Variants in MYO1F observed in about 807,000 individuals in gnomAD.
The protein encoded by MYO1F is unconventional myosin-If.
Under a neutral mutation model 146.6 loss-of-function variants are expected in MYO1F, and 60 were observed. The ratio of observed to expected loss-of-function variants is 0.41; its 90% CI spans 0.33 to 0.51. The LOEUF is 0.51. Ranked by LOEUF, MYO1F falls within the 20% of genes least tolerant of loss-of-function variation. The probability of loss-of-function intolerance (pLI) is 0.25; values close to 1 mark genes in which losing one functional copy is unlikely to be tolerated. For synonymous variants in MYO1F, 602 were observed against 602.1 expected (o/e 1.00, Z 0.00); for missense variants, 1,274 against 1,534.3 (o/e 0.83, Z 2.83).
At chr19:8,527,555 C>T in intron 21 of MYO1F, 72 bp from the exon 22 acceptor site, 2 of 1,577,710 alleles carry the variant, frequency 1.3e-6, no homozygotes, top group Non-Finnish European at 1.7e-6. Flanking sequence ...CCACCCCAGG[C>T]AGAGGGGTGG....
chr19:8,536,857 C>A, intron 17 of MYO1F, 92 bp downstream of exon 17: 1 of 916,012 alleles, frequency 1.1e-6, no homozygotes, highest in South Asian at 1.4e-5. Flanking sequence ...CCTGGGTCAT[C>A]CTACAGGAGG....
At position 8,550,572 on chromosome 19, in the gene MYO1F, C is replaced by G. The variant is rs117515581; in HGVS notation, c.894G>C (p.Glu298Asp). ...FCEDGNYARV[E>D]SVDLLAFPAY... ...GATACCCACACTCACGGTCCACACTCTCCACTCGGGCGTAATTCCCGTCTT... is the reference window on the plus strand; with the variant it reads ...GATACCCACACTCACGGTCCACACTGTCCACTCGGGCGTAATTCCCGTCTT... The change falls in exon 9 of 28, where the codon GAG becomes GAC. Residue 298 changes from glutamate (E) to aspartate (D), a missense_variant. Physicochemically the swap from Glu to Asp is conservative, Grantham distance 45. This residue lies in a region of MYO1F where 900 missense variants were observed against 1,155.1 expected (regional missense o/e 0.78). Coordinates refer to ENST00000644032, the MANE Select transcript of MYO1F (RefSeq NM_012335.4). 6.2e-7 allele frequency: 1 copy of G among 1,614,206 alleles called. No homozygotes were observed. The highest frequency in any genetic ancestry group is 2.2e-5 in the East Asian group (1 of 44,886).
intron 1 of MYO1F, among the ~76,000 whole-genome samples, chr19:8,560,980 G>A (rs1437666166): frequency 6.6e-6 from 1 of 151,406 alleles, no homozygotes; most frequent in Non-Finnish European, 1.5e-5. Flanking sequence ...CTTGTGATCT[G>A]CCCGCCTCGG....
rs925445198 is a variant in MYO1F, at chr19:8,530,853, G to A, written c.2044-280C>T. On this transcript the variant is annotated intron_variant, in intron 19 of 27. Coordinates refer to ENST00000644032, the MANE Select transcript of MYO1F (RefSeq NM_012335.4). The surrounding 1 kb of genome is among the most constrained non-coding windows in gnomAD (Gnocchi z 5.8). ...TCAGGAGTTTGAGACGAGCCTGACC[G>A]ACATAGTGAAACCCCATCTCTACTA... 2.0e-5 allele frequency among the ~76,000 whole-genome samples: 3 copies of A among 151,906 alleles called. No homozygotes were observed. The highest frequency in any genetic ancestry group is 7.2e-5 in the African/African-American group (3 of 41,418).
chr19:8,525,001 C>T (rs573627624), intron 25 of MYO1F, among the ~76,000 whole-genome samples: 2 of 152,006 alleles, frequency 1.3e-5, no homozygotes, highest in South Asian at 2.1e-4. Flanking sequence ...AGTTCGAGAC[C>T]AGCCTGAACA....
intron 19 of MYO1F, among the ~76,000 whole-genome samples, chr19:8,532,927 C>T (rs1208230192): frequency 6.6e-6 from 1 of 150,578 alleles, no homozygotes; most frequent in African/African-American, 2.4e-5. Flanking sequence ...CACACACACA[C>T]ACACACACAC....
At chr19:8,536,449 G>C (rs974830843) in intron 18 of MYO1F, 50 bp downstream of exon 18, 2 of 1,609,090 alleles carry the variant, frequency 1.2e-6, no homozygotes, top group South Asian at 2.2e-5. Flanking sequence ...AGGCCTGGCT[G>C]GGCGTTCTGA....
In MYO1F at chr19:8,577,318, G is replaced by T; in HGVS notation, c.-9C>A. The stretch of plus-strand genomic sequence containing the variant: ...CTTGAAGGACTTACCATGGTGGGGG[G>T]CTGGTGTCTGGGCTCCTGGAGGCTC... On this transcript the variant is annotated 5_prime_UTR_variant, in exon 1 of 28. Coordinates refer to ENST00000644032, the MANE Select transcript of MYO1F (RefSeq NM_012335.4). This position sits in a 1 kb window ranked among gnomAD's most constrained non-coding sequence, Gnocchi z 4.3. The T allele has an allele frequency of 6.2e-7, 1 of 1,613,960 alleles. No homozygotes were observed. The highest frequency in any genetic ancestry group is 8.5e-7 in the Non-Finnish European group (1 of 1,179,942).
At chr19:8,547,209 G>A (rs1164376530) in intron 12 of MYO1F, among the ~76,000 whole-genome samples, 3 of 150,108 alleles carry the variant, frequency 2.0e-5, no homozygotes, top group African/African-American at 4.9e-5. Flanking sequence ...GCTGAAGTGG[G>A]AGGATTGCTT....
At chr19:8,523,511 T>C (rs1039600802) in intron 25 of MYO1F, among the ~76,000 whole-genome samples, 3 of 151,800 alleles carry the variant, frequency 2.0e-5, no homozygotes, top group East Asian at 1.9e-4. Context: ...CTATGCCCAG[T>C]TGATTTTTAT....
chr19:8,531,383 C>T (rs1470567761), intron 19 of MYO1F, among the ~76,000 whole-genome samples: 1 of 152,170 alleles, frequency 6.6e-6, no homozygotes, highest in Non-Finnish European at 1.5e-5. Context: ...GGGTCTCGCT[C>T]CGTCGCCCAG....
chr19:8,525,414 G>A lies in MYO1F; in HGVS notation c.2854+65C>T. ...TGTTTGTTAGATTTCGTTTGCTGAA[G>A]GTCTGGCTTAGGCCATGGGACCCAC... On this transcript the variant is annotated intron_variant, in intron 25 of 27. Coordinates refer to ENST00000644032, the MANE Select transcript of MYO1F (RefSeq NM_012335.4). 8 of 1,391,340 alleles carry A rather than the reference G, an allele frequency of 5.7e-6. No homozygotes were observed. The South Asian group carries it at 8.1e-5, about 14-fold the overall frequency. The allele number at this position is 1,391,340 out of a possible 1,614,324, so 86.2% of individuals were successfully genotyped here. A position where few individuals can be genotyped will look rare whatever the true frequency, so the allele number is the denominator to read the frequency against.
Position 8,536,347 on chromosome 19 carries a change from G to A in MYO1F, c.1948C>T (p.Arg650Cys), listed in dbSNP as rs371339136. Residue 650 changes from arginine to cysteine, a missense_variant, in exon 19 of 28, where the codon CGC becomes TGC. This residue lies in a region of MYO1F where 900 missense variants were observed against 1,155.1 expected (regional missense o/e 0.78). Transcript: ENST00000644032. Reference sequence around the variant, plus strand: ...CGAAGCAGGTGCTGGACGCCCTGGCGTTCGTCCCCACGCCACCGCGGCCAC... The same window carrying A: ...CGAAGCAGGTGCTGGACGCCCTGGCATTCGTCCCCACGCCACCGCGGCCAC... ...ETWPRWRGDE[R>C]QGVQHLLRAV... The A allele has an allele frequency of 2.3e-5, 37 of 1,606,104 alleles. No individual in the cohort carries two copies. Among genetic ancestry groups the A allele is most frequent in the African/African-American group, 5.4e-5 (4 of 74,468 alleles).
At chr19:8,574,717 TTC>T (rs1442648830) in intron 1 of MYO1F, among the ~76,000 whole-genome samples, 3 of 149,184 alleles carry the variant, frequency 2.0e-5, no homozygotes, top group East Asian at 2.0e-4. Flanking sequence ...TTCTTTTTCT[TTC>T]TCTTTCTTTC....
At chr19:8,544,487 C>A in intron 13 of MYO1F, 23 bp from the exon 14 acceptor site, 1 of 1,599,530 alleles carries the variant, frequency 6.3e-7, no homozygotes, top group Non-Finnish European at 8.5e-7. Context: ...CGGGAGCCAG[C>A]AGCGGCTCAG....
At chr19:8,561,112 G>T (rs938833730) in intron 1 of MYO1F, among the ~76,000 whole-genome samples, 1 of 151,928 alleles carries the variant, frequency 6.6e-6, no homozygotes. Context: ...TATAACTCCT[G>T]GGCTCAAGTG....
chr19:8,556,277 G>T (rs1460662998), intron 1 of MYO1F, among the ~76,000 whole-genome samples: 1 of 150,332 alleles, frequency 6.7e-6, no homozygotes, highest in Non-Finnish European at 1.5e-5. Context: ...TGATCCACCC[G>T]CCTCAGGCTC....
intron 14 of MYO1F, among the ~76,000 whole-genome samples, chr19:8,542,216 C>A (rs891718066): frequency 6.7e-6 from 1 of 149,704 alleles, no homozygotes; most frequent in East Asian, 2.0e-4. Flanking sequence ...GTTAGAGGAT[C>A]GTGGCTGTAT....
intron 9 of MYO1F, 57 bp downstream of exon 9, chr19:8,550,505 G>A: frequency 1.2e-6 from 2 of 1,613,628 alleles, no homozygotes; most frequent in Non-Finnish European, 1.7e-6. Context: ...GAGCTAGGAG[G>A]ACGCAGTTCA....
Sources: gnomAD v4.1 joint callset for allele counts (sites outside exome capture counted in the v4.1 genomes callset) on GRCh38, gnomAD v4.1.1 for gene constraint, gnomAD v4.1.1 regional missense constraint, Gnocchi (gnomAD v3.1) non-coding constraint, MANE v1.5 for transcripts, NCBI Gene and HGNC (gene_info 2026-07-23, HGNC 2026-07-21) for gene names.